Variants in DNAJC13 observed in about 807,000 individuals in gnomAD.
The protein encoded by DNAJC13 is dnaJ homolog subfamily C member 13.
A neutral mutation model predicts 290.5 loss-of-function variants in DNAJC13; 75 were observed. The ratio of observed to expected loss-of-function variants is 0.26; its 90% CI spans 0.21 to 0.31. DNAJC13 has a LOEUF of 0.31. DNAJC13 is among the 10% of genes least tolerant of loss of function. The probability of loss-of-function intolerance (pLI) is 1.00; values close to 1 mark genes in which losing one functional copy is unlikely to be tolerated. For missense variants in DNAJC13, 2,260 were observed against 2,674.5 expected (o/e 0.85, Z 3.42); for synonymous variants, 862 against 892.0 (o/e 0.97, Z 0.60).
chr3:132,521,562 C>G (rs1209748630), intron 48 of DNAJC13, among the ~76,000 whole-genome samples: 1 of 152,176 alleles, frequency 6.6e-6, no homozygotes, highest in Non-Finnish European at 1.5e-5. Flanking sequence ...CCCGCTCTAA[C>G]TTTTAGGTGC....
At position 132,530,992 on chromosome 3, in the gene DNAJC13, T is replaced by A. The variant is rs753646096; in HGVS notation, c.6526-6T>A. On this transcript the variant is annotated splice_polypyrimidine_tract_variant and splice_region_variant and intron_variant, in intron 54 of 55. Transcript: ENST00000260818. ...TATGTTCAAAGGGCTTGTTTTACTT[T>A]CCTAGGTGAATGAAATCCTGTGCCG... 15 of 1,612,818 alleles carry A rather than the reference T, an allele frequency of 9.3e-6. No individual in the cohort carries two copies. The highest frequency in any genetic ancestry group is 2.2e-5 in the East Asian group (1 of 44,884).
At chr3:132,467,470 T>C in intron 20 of DNAJC13, 157 bp downstream of exon 20, 1 of 653,498 alleles carries the variant, frequency 1.5e-6, no homozygotes, top group Admixed American at 3.6e-5. Context: ...TTATTTTATT[T>C]ATTTATTTAT....
chr3:132,440,854 A>C (rs1933042092), intron 2 of DNAJC13, among the ~76,000 whole-genome samples: 1 of 152,216 alleles, frequency 6.6e-6, no homozygotes, highest in East Asian at 1.9e-4. Flanking sequence ...AAGTTAAGGA[A>C]GTTATCAGAG....
At chr3:132,444,476 G>A (rs942489497) in intron 2 of DNAJC13, among the ~76,000 whole-genome samples, 1 of 152,148 alleles carries the variant, frequency 6.6e-6, no homozygotes, top group Non-Finnish European at 1.5e-5. Context: ...GATTGAAAAG[G>A]ATATTTTCTT....
intron 2 of DNAJC13, among the ~76,000 whole-genome samples, chr3:132,445,726 T>C (rs1445430304): frequency 6.6e-6 from 1 of 152,136 alleles, no homozygotes; most frequent in Non-Finnish European, 1.5e-5. Flanking sequence ...GTCTTTGTTT[T>C]CCTTAATTTT....
At chr3:132,480,297 A>C in intron 25 of DNAJC13, 72 bp from the exon 26 acceptor site, 1 of 949,418 alleles carries the variant, frequency 1.1e-6, no homozygotes, top group South Asian at 1.5e-5. Flanking sequence ...CCTATTGGGA[A>C]AGGTACTATT....
rs775870634 is a variant in DNAJC13 at position 132,503,384 on chromosome 3, A to G, written c.4884+3A>G. On this transcript the variant is annotated splice_donor_region_variant and intron_variant, in intron 41 of 55. Transcript: ENST00000260818. ...TTGCTGTGGCTAGTGTGACTGAGGT[A>G]TGTGCTTCACAGGTAGCCTGGGTTT... The G allele has an allele frequency of 5.0e-6, 8 of 1,613,852 alleles. No homozygotes were observed. Among genetic ancestry groups the G allele is most frequent in the East Asian group, 4.5e-5 (2 of 44,888 alleles).
chr3:132,477,122 A>G (rs1020064399), intron 22 of DNAJC13, among the ~76,000 whole-genome samples: 2 of 152,280 alleles, frequency 1.3e-5, no homozygotes, highest in African/African-American at 4.8e-5. Flanking sequence ...CTTTATATAG[A>G]AAATGAAATG....
chr3:132,486,361 A>G (rs1934877114), intron 29 of DNAJC13, among the ~76,000 whole-genome samples: 1 of 151,770 alleles, frequency 6.6e-6, no homozygotes, highest in Admixed American at 6.6e-5. Flanking sequence ...AACCGCTCCC[A>G]TTTTTCTAAG....
At chr3:132,518,170 A>G (rs978637621) in intron 48 of DNAJC13, among the ~76,000 whole-genome samples, 8 of 152,210 alleles carry the variant, frequency 5.3e-5, no homozygotes, top group East Asian at 1.9e-4. Context: ...TAACTCGTCA[A>G]TAGTGTTTTA....
chr3:132,457,887 T>C (rs192922898), intron 13 of DNAJC13: 28 of 152,504 alleles, frequency 1.8e-4, no homozygotes, highest in African/African-American at 6.5e-4. Flanking sequence ...TAATTAGGAG[T>C]TGCAGCTAGA....
rs1559895764 is a variant in DNAJC13, at chr3:132,492,578, A to G, written c.3788A>G (p.Asp1263Gly). ...ATTTATTACCTCAAACAACTGTGTG[A>G]TACACTCCGGTTTCCAGATTGGCCA... ...CNIYYLKQLC[D>G]TLRFPDWPIK... The change falls in exon 33 of 56, where the codon GAT (aspartate) becomes GGT (glycine). Residue 1263 changes from aspartate (D) to glycine (G), a missense_variant. Asp to Gly is a moderately conservative substitution (Grantham distance 94, BLOSUM62 -1). Transcript: ENST00000260818. The G allele has an allele frequency of 6.2e-7, 1 of 1,613,732 alleles. No homozygotes were observed. The highest frequency in any genetic ancestry group is 8.5e-7 in the Non-Finnish European group (1 of 1,179,740).
chr3:132,454,367 G>A (rs1358269703), intron 9 of DNAJC13, among the ~76,000 whole-genome samples: 3 of 138,736 alleles, frequency 2.2e-5, no homozygotes, highest in Non-Finnish European at 4.5e-5. Context: ...TGTCACTCAG[G>A]CTGGAGTGCT....
chr3:132,487,446 C>T (rs926858795), intron 29 of DNAJC13, among the ~76,000 whole-genome samples: 4 of 151,036 alleles, frequency 2.6e-5, no homozygotes, highest in South Asian at 2.1e-4. Flanking sequence ...TTAGTAGAGA[C>T]GGGGTTTCAC....
chr3:132,457,232 G>A, intron 12 of DNAJC13, 37 bp from the exon 13 acceptor site: 1 of 1,415,662 alleles, frequency 7.1e-7, no homozygotes, highest in Non-Finnish European at 9.8e-7. Context: ...AAAATGTTCT[G>A]GTATTGCTAG....
chr3:132,496,800 T>C lies in DNAJC13; in HGVS notation c.4156+137T>C, dbSNP rs1275991629. ...TTTAAAAGATTCTTGGAATTATGTT[T>C]TAAATAAAGGAAAATGTAGTTTTCT... On this transcript the variant is annotated intron_variant, in intron 36 of 55. Coordinates refer to ENST00000260818, the MANE Select transcript of DNAJC13 (RefSeq NM_015268.4). 3 of 873,920 alleles carry C rather than the reference T, an allele frequency of 3.4e-6. No individual in the cohort carries two copies. The East Asian group carries it at 9.9e-5, about 29-fold the overall frequency. 54.1% of individuals were successfully genotyped at this position (873,920 alleles called of 1,614,324 possible).
chr3:132,499,233 G>A lies in DNAJC13; in HGVS notation c.4264G>A (p.Ala1422Thr). 6.2e-7 allele frequency: 1 copy of A among 1,614,106 alleles called. No individual in the cohort carries two copies. Among genetic ancestry groups the A allele is most frequent in the Non-Finnish European group, 8.5e-7 (1 of 1,179,988 alleles). ...AAAAGAATCACCATTGTTGCCTGCG[G>A]CTACAGAGCTAGCTTTCCATACTGT... Reference protein sequence around the residue: ...FSKESPLLPAATELAFHTVNC... With the variant: ...FSKESPLLPATTELAFHTVNC... The change falls in exon 37 of 56, where the codon GCT becomes ACT. Residue 1422 changes from alanine to threonine, a missense_variant. Coordinates refer to ENST00000260818, the MANE Select transcript of DNAJC13 (RefSeq NM_015268.4).
At position 132,530,061 on chromosome 3, in the gene DNAJC13, G is replaced by C. The variant is rs186100285; in HGVS notation, c.6526-937G>C. Among the ~76,000 whole-genome samples, 1,172 of 148,810 alleles carry C rather than the reference G, an allele frequency of 7.9e-3. 21 individuals carry two copies. Among genetic ancestry groups the C allele is most frequent in the African/African-American group, 0.029 (1,109 of 38,298 alleles). ...CCTACACCCAAGGGAGGGGAGGAAA[G>C]AGGTATAGTAGTTTCTAAATAGGAA... On this transcript the variant is annotated intron_variant, in intron 54 of 55. Coordinates refer to ENST00000260818, the MANE Select transcript of DNAJC13 (RefSeq NM_015268.4).
intron 20 of DNAJC13, among the ~76,000 whole-genome samples, chr3:132,469,309 C>T (rs922392536): frequency 1.3e-5 from 2 of 152,170 alleles, no homozygotes; most frequent in African/African-American, 2.4e-5. Context: ...GATTAACTGG[C>T]GATTCTTGAA....
Sources: allele counts gnomAD v4.1 joint callset (sites outside exome capture counted in the v4.1 genomes callset), GRCh38; gene constraint gnomAD v4.1.1; transcripts MANE v1.5; gene names NCBI Gene and HGNC (gene_info 2026-07-23, HGNC 2026-07-21).